The following UGT1A6 variants were observed in gnomAD, a reference collection of about 807,000 sequenced individuals.
The protein encoded by UGT1A6 is UDP glucuronosyltransferase family 1 member A6.
UGT1A6 carries 32 observed loss-of-function variants against 44.4 expected under a neutral mutation model. That is an observed-to-expected ratio of 0.72 (90% CI 0.54 to 0.97). The LOEUF (loss-of-function observed/expected upper bound fraction) is 0.97. Among genes scored for constraint, UGT1A6 ranks in the 50% least tolerant of loss-of-function variants. The pLI, the probability that UGT1A6 is intolerant of heterozygous loss-of-function variation, is 0.00. For synonymous variants in UGT1A6, 238 were observed against 248.5 expected, an observed-to-expected ratio of 0.96 and a Z score of 0.40; for missense variants, 685 against 661.9, an observed-to-expected ratio of 1.03 and a Z score of -0.38.
chr2:233,744,046 C>G, intron 1 of UGT1A6: 1 of 729,302 alleles, frequency 1.4e-6, no homozygotes, highest in Non-Finnish European at 1.9e-6. Flanking sequence ...GCAGCCACAT[C>G]TCATTGGTCG....
intron 1 of UGT1A6, among the ~76,000 whole-genome samples, chr2:233,751,154 C>A (rs1181996969): frequency 6.6e-6 from 1 of 151,950 alleles, no homozygotes; most frequent in Non-Finnish European, 1.5e-5. Flanking sequence ...CCACTTCTGG[C>A]ATCAGCATGA....
chr2:233,727,441 G>T (rs2077617146), intron 1 of UGT1A6, among the ~76,000 whole-genome samples: 1 of 152,130 alleles, frequency 6.6e-6, no homozygotes, highest in African/African-American at 2.4e-5. Flanking sequence ...CATGTGACAA[G>T]AAATCAGATG....
chr2:233,757,867 T>C (rs1324450785), intron 1 of UGT1A6, among the ~76,000 whole-genome samples: 1 of 151,950 alleles, frequency 6.6e-6, no homozygotes. Context: ...AAAAAGAAAG[T>C]AGCTTCAAAA....
At chr2:233,761,164 G>C in intron 1 of UGT1A6, 2 of 1,614,240 alleles carry the variant, frequency 1.2e-6, no homozygotes, top group South Asian at 1.1e-5. Flanking sequence ...GTGTATTGGA[G>C]TGGGACTTTT....
chr2:233,738,641 GCT>G (rs1690860482), intron 1 of UGT1A6, among the ~76,000 whole-genome samples: 1 of 152,206 alleles, frequency 6.6e-6, no homozygotes, highest in Non-Finnish European at 1.5e-5. Flanking sequence ...CTGCCCTAGA[GCT>G]CTTTGGAACT....
chr2:233,691,922 G>A (rs1422261800), upstream of UGT1A6: 1 of 152,442 alleles, frequency 6.6e-6, no homozygotes, highest in Non-Finnish European at 1.5e-5. Context: ...AGTGGTGGGA[G>A]CGATAAACGT....
chr2:233,742,756 G>T (rs1692089977), intron 1 of UGT1A6: 1 of 153,056 alleles, frequency 6.5e-6, no homozygotes, highest in Middle Eastern at 3.4e-3. Flanking sequence ...AAAATATTAA[G>T]ATAATAAATG....
chr2:233,699,544 A>C (rs1031382585), intron 1 of UGT1A6, among the ~76,000 whole-genome samples: 9 of 152,228 alleles, frequency 5.9e-5, no homozygotes, highest in Non-Finnish European at 1.2e-4. Context: ...TTCACATCAT[A>C]GAGCCAGGTC....
At chr2:233,753,608 G>C (rs980639486) in intron 1 of UGT1A6, 1 of 152,136 alleles carries the variant, frequency 6.6e-6, no homozygotes, top group Non-Finnish European at 1.5e-5. Flanking sequence ...TGCCCCAAAA[G>C]GTCTTCATTT....
At chr2:233,715,249 A>T (rs577425759) in intron 1 of UGT1A6, among the ~76,000 whole-genome samples, 3 of 152,282 alleles carry the variant, frequency 2.0e-5, no homozygotes, top group East Asian at 1.9e-4. Context: ...GATGTCTTTT[A>T]AAAAATCCCC....
At chr2:233,692,853 G>T (rs571561782), upstream of UGT1A6, 67 of 1,463,022 alleles carry the variant, frequency 4.6e-5, 1 homozygote, top group African/African-American at 8.5e-4. Flanking sequence ...ATTAATTTGG[G>T]TTCTTACATA....
intron 1 of UGT1A6, among the ~76,000 whole-genome samples, chr2:233,720,042 G>T (rs1048137470): frequency 2.0e-5 from 3 of 152,186 alleles, no homozygotes; most frequent in African/African-American, 7.2e-5. Flanking sequence ...CTGATTTTCA[G>T]CTGAACGGTG....
At chr2:233,711,189 C>G (rs2076167419) in intron 1 of UGT1A6, among the ~76,000 whole-genome samples, 2 of 152,232 alleles carry the variant, frequency 1.3e-5, no homozygotes, top group African/African-American at 4.8e-5. Flanking sequence ...GCTACTCCCT[C>G]CCCACAGTCC....
At chr2:233,746,832 T>C (rs1693484231) in intron 1 of UGT1A6, among the ~76,000 whole-genome samples, 1 of 151,782 alleles carries the variant, frequency 6.6e-6, no homozygotes, top group Admixed American at 6.5e-5. Context: ...CCTACCACTG[T>C]TGGGGACCTC....
chr2:233,701,822 A>G (rs2075654482), intron 1 of UGT1A6, among the ~76,000 whole-genome samples: 1 of 152,190 alleles, frequency 6.6e-6, no homozygotes, highest in Admixed American at 6.5e-5. Context: ...ACATACCAGA[A>G]TCTCTGGGAC....
intron 1 of UGT1A6, among the ~76,000 whole-genome samples, chr2:233,735,706 TG>T (rs200320435): frequency 0.013 from 1,981 of 152,300 alleles, 51 homozygotes; most frequent in African/African-American, 0.046. Context: ...GCAGGCCTGG[TG>T]GTGACAAAAT....
chr2:233,729,276 G>T (rs765243640), intron 1 of UGT1A6: 1 of 1,614,232 alleles, frequency 6.2e-7, no homozygotes, highest in Non-Finnish European at 8.5e-7. Flanking sequence ...TCTTGCGGGA[G>T]CTCCATGCCA....
intron 1 of UGT1A6, chr2:233,747,303 G>T (rs1693616830): frequency 2.5e-6 from 4 of 1,602,128 alleles, no homozygotes; most frequent in Non-Finnish European, 2.6e-6. Context: ...AGAGTGGGAA[G>T]GTGCTGGTGG....
intron 1 of UGT1A6, among the ~76,000 whole-genome samples, chr2:233,752,077 C>T (rs1281273194): frequency 6.6e-6 from 1 of 152,216 alleles, no homozygotes; most frequent in Non-Finnish European, 1.5e-5. Context: ...GGAAGTCTCT[C>T]TACCTGTTTG....
Sources: allele counts gnomAD v4.1 joint callset (sites outside exome capture counted in the v4.1 genomes callset), GRCh38; gene constraint gnomAD v4.1.1; transcripts MANE v1.5; gene names NCBI Gene and HGNC (gene_info 2026-07-23, HGNC 2026-07-21).